Variants in UGT2A2 observed in about 807,000 individuals in gnomAD.
The protein encoded by UGT2A2 is UDP glucuronosyltransferase family 2 member A2.
A neutral mutation model predicts 50.7 loss-of-function variants in UGT2A2; 60 were observed. That is an observed-to-expected ratio of 1.18 (90% CI 0.96 to 1.47). The LOEUF (loss-of-function observed/expected upper bound fraction) is 1.47, where lower values mean the gene tolerates loss of function less well. Ranked by LOEUF, UGT2A2 falls within the 40% of genes most tolerant of loss-of-function variation. The pLI is 0.00. For synonymous variants in UGT2A2, 242 were observed against 214.6 expected, an observed-to-expected ratio of 1.13 and a Z score of -1.11; for missense variants, 762 against 634.0, an observed-to-expected ratio of 1.20 and a Z score of -2.17.
rs543798482 is a variant in UGT2A2 at position 69,637,537 on chromosome 4, C to A, written c.742+1362G>T. Among the ~76,000 whole-genome samples the A allele has an allele frequency of 4.7e-4, 72 of 152,182 alleles. 1 individual carries two copies. Among genetic ancestry groups the A allele is most frequent in the African/African-American group, 1.5e-3 (64 of 41,546 alleles). On this transcript the variant is annotated intron_variant, in intron 1 of 5. Transcript: ENST00000604629. ...CCTAAAAGGCTTTTCCTCCAGGGAT[C>A]TTATGGATTCTGACTTTCACTTCCC...
chr4:69,625,006 A>G (rs1298990663), intron 1 of UGT2A2, among the ~76,000 whole-genome samples: 1 of 151,068 alleles, frequency 6.6e-6, no homozygotes, highest in Non-Finnish European at 1.5e-5. Flanking sequence ...GTAGCAACAA[A>G]AAAAATCAGC....
Position 69,596,282 on chromosome 4 carries a change from TAA to T in UGT2A2, c.989_990del (p.Leu330HisfsTer32), listed in dbSNP as rs756838376. 56 of 1,606,340 alleles carry T rather than the reference TAA, an allele frequency of 3.5e-5. No homozygotes were observed. Among genetic ancestry groups the T allele is most frequent in the Non-Finnish European group, 4.8e-5 (56 of 1,175,556 alleles). ...VKNLTEEKAN[L>X]IASALAQIPQ... ...GGAATCTGGGCAAGGGCTGAGGCAA[TAA>T]GATTGGCCTTTTCTTCTGTAAGGTT... On this transcript the variant is annotated frameshift_variant, in exon 3 of 6. Coordinates refer to ENST00000604629, the MANE Select transcript of UGT2A2 (RefSeq NM_001105677.2). LOFTEE classifies it high-confidence loss of function.
At chr4:69,624,462 G>A (rs1246240916) in intron 1 of UGT2A2, among the ~76,000 whole-genome samples, 2 of 151,304 alleles carry the variant, frequency 1.3e-5, no homozygotes, top group Non-Finnish European at 3.0e-5. Flanking sequence ...TACATTTAAT[G>A]TGATTATCTA....
At chr4:69,621,948 C>A (rs1013253285) in intron 1 of UGT2A2, among the ~76,000 whole-genome samples, 1 of 151,674 alleles carries the variant, frequency 6.6e-6, no homozygotes, top group South Asian at 2.1e-4. Context: ...CAAGTTAGAG[C>A]TAAATGATGA....
chr4:69,597,085 T>G (rs2010207), intron 2 of UGT2A2, among the ~76,000 whole-genome samples: 98,078 of 151,998 alleles, frequency 0.65, 32,002 homozygotes, highest in East Asian at 0.74. Flanking sequence ...TTGTTAGCAT[T>G]CCAGTTATAT....
In UGT2A2 at chr4:69,604,526, A is replaced by T. The variant is rs556718105; in HGVS notation, c.743-5132T>A. 3.7e-5 allele frequency among the ~76,000 whole-genome samples: 5 copies of T among 136,732 alleles called. 2 individuals carry two copies. The highest frequency in any genetic ancestry group is 1.5e-4 in the African/African-American group (5 of 33,792). 89.7% of individuals were successfully genotyped at this position (136,732 alleles called of 152,430 possible). The stretch of plus-strand genomic sequence containing the variant: ...AACTGCATCAACTAATGAGCAAAAT[A>T]ACTAGCTAACATCATAATGACAGGA... On this transcript the variant is annotated intron_variant, in intron 1 of 5. Transcript: ENST00000604629.
intron 1 of UGT2A2, among the ~76,000 whole-genome samples, chr4:69,616,560 C>A (rs1720399373): frequency 6.6e-6 from 1 of 151,828 alleles, no homozygotes; most frequent in African/African-American, 2.4e-5. Flanking sequence ...ACATGTACCC[C>A]ACCAACAAAA....
intron 1 of UGT2A2, among the ~76,000 whole-genome samples, chr4:69,609,435 A>G (rs757246372): frequency 6.6e-6 from 1 of 152,084 alleles, no homozygotes; most frequent in Non-Finnish European, 1.5e-5. Context: ...CCTGGGCTCA[A>G]GTGATATACC....
intron 1 of UGT2A2, among the ~76,000 whole-genome samples, chr4:69,629,332 C>G (rs1482431482): frequency 6.6e-6 from 1 of 151,980 alleles, no homozygotes; most frequent in Admixed American, 6.6e-5. Context: ...CTTGTACATT[C>G]CCAAAAAAGA....
At chr4:69,624,469 T>C (rs748442663) in intron 1 of UGT2A2, among the ~76,000 whole-genome samples, 2 of 151,566 alleles carry the variant, frequency 1.3e-5, no homozygotes, top group African/African-American at 4.8e-5. Flanking sequence ...AATGTGATTA[T>C]CTACATGTTT....
Position 69,604,259 on chromosome 4 carries a change from T to C in UGT2A2, c.743-4865A>G, listed in dbSNP as rs1437694843. On this transcript the variant is annotated intron_variant, in intron 1 of 5. Transcript: ENST00000604629. The stretch of plus-strand genomic sequence containing the variant: ...CAAGCCAGAAGACAGTGGGGACCAA[T>C]ATTCACCATTCTTAAAGAAAAGAAT... Among the ~76,000 whole-genome samples, 3 of 136,856 alleles carry C rather than the reference T, an allele frequency of 2.2e-5. 1 individual carries two copies. The highest frequency in any genetic ancestry group is 4.7e-5 in the Non-Finnish European group (3 of 64,322). 89.8% of individuals were successfully genotyped at this position (136,856 alleles called of 152,430 possible).
intron 1 of UGT2A2, among the ~76,000 whole-genome samples, chr4:69,609,500 GA>G (rs1719902101): frequency 6.6e-6 from 1 of 151,978 alleles, no homozygotes; most frequent in Non-Finnish European, 1.5e-5. Flanking sequence ...GTTGTAGACT[GA>G]AACTGTAAAT....
rs1229538259 is a variant in UGT2A2 at position 69,589,532 on chromosome 4, C to G, written c.1451G>C (p.Arg484Pro). The change falls in exon 6 of 6, where the codon CGG (arginine) becomes CCG (proline). Residue 484 changes from arginine (R) to proline (P), a missense_variant. Physicochemically the swap from Arg to Pro is moderately radical, Grantham distance 103. Transcript: ENST00000604629. ...VMRHKGAKHL[R>P]VAAHDLTWFQ... ...CCAGGTGAGGTCATGGGCTGCAACC[C>G]GAAGGTGCTTGGCTCCTTTGTGGCG... is the stretch of plus-strand genomic sequence containing the variant. 6.2e-7 allele frequency: 1 copy of G among 1,613,928 alleles called. No individual in the cohort carries two copies. The highest frequency in any genetic ancestry group is 1.3e-5 in the African/African-American group (1 of 74,892).
At chr4:69,619,184 G>A (rs1009442530) in intron 1 of UGT2A2, among the ~76,000 whole-genome samples, 2 of 151,764 alleles carry the variant, frequency 1.3e-5, no homozygotes, top group African/African-American at 4.8e-5. Context: ...GATTGCTTGA[G>A]CCCAGGAGTT....
rs202191328 is a variant in UGT2A2, at chr4:69,594,455, T to C, written c.1331+22A>G. 5.8e-5 allele frequency: 94 copies of C among 1,608,284 alleles called. No homozygotes were observed. In the African/African-American group the frequency reaches 1.2e-3, roughly 21 times the overall value. On this transcript the variant is annotated intron_variant, in intron 5 of 5. Coordinates refer to ENST00000604629, the MANE Select transcript of UGT2A2 (RefSeq NM_001105677.2). The stretch of plus-strand genomic sequence containing the variant: ...ATAATGTAATTAAAGTTAGGCAAGT[T>C]TTTAGGAGCCTTAGTACTTACGAAG...
At chr4:69,616,598 T>G (rs551633432) in intron 1 of UGT2A2, among the ~76,000 whole-genome samples, 1 of 151,924 alleles carries the variant, frequency 6.6e-6, no homozygotes, top group Non-Finnish European at 1.5e-5. Context: ...CAACTTCCAG[T>G]TTACCATTTC....
At chr4:69,599,466 A>C (rs1719131478) in intron 1 of UGT2A2, 72 bp from the exon 2 acceptor site, 2 of 1,578,628 alleles carry the variant, frequency 1.3e-6, no homozygotes, top group Admixed American at 2.1e-5. Flanking sequence ...AAAAGCTACC[A>C]GTAATTTCCT....
intron 1 of UGT2A2, among the ~76,000 whole-genome samples, chr4:69,637,801 G>T (rs1160590970): frequency 6.6e-6 from 1 of 151,990 alleles, no homozygotes; most frequent in Non-Finnish European, 1.5e-5. Flanking sequence ...CTACCACTTA[G>T]ACAAGTTGTA....
At chr4:69,595,024 G>A (rs1033042324) in intron 4 of UGT2A2, 138 bp downstream of exon 4, 9 of 1,239,796 alleles carry the variant, frequency 7.3e-6, no homozygotes, top group Admixed American at 2.2e-5. Flanking sequence ...GGCCAATTAT[G>A]TAATTATATC....
Sources: gnomAD v4.1 joint callset for allele counts (sites outside exome capture counted in the v4.1 genomes callset) on GRCh38, gnomAD v4.1.1 for gene constraint, MANE v1.5 for transcripts, NCBI Gene and HGNC (gene_info 2026-07-23, HGNC 2026-07-21) for gene names.